MTCH2: variants seen among roughly 807,000 people sequenced by gnomAD.
MTCH2 encodes the protein mitochondrial carrier 2.
In MTCH2, 25 loss-of-function variants were observed where a neutral mutation model predicts 50.6. That is an observed-to-expected ratio of 0.49 (90% CI 0.36 to 0.69). MTCH2 has a LOEUF of 0.69. Among genes scored for constraint, MTCH2 ranks in the 30% least tolerant of loss-of-function variants. The probability of loss-of-function intolerance (pLI) is 0.00; values close to 1 mark genes in which losing one functional copy is unlikely to be tolerated. For missense variants in MTCH2, 273 were observed against 384.4 expected, an observed-to-expected ratio of 0.71 and a Z score of 2.42; for synonymous variants, 106 against 132.0, an observed-to-expected ratio of 0.80 and a Z score of 1.35.
chr11:47,616,138 T>G (rs890197021), downstream of MTCH2, among the ~76,000 whole-genome samples: 1 of 151,980 alleles, frequency 6.6e-6, no homozygotes, highest in African/African-American at 2.4e-5. Flanking sequence ...TTCCTCCCTT[T>G]ATTTCTTTAA....
At chr11:47,638,289 C>T (rs1430758319) in intron 3 of MTCH2, among the ~76,000 whole-genome samples, 2 of 147,860 alleles carry the variant, frequency 1.4e-5, no homozygotes, top group Admixed American at 6.9e-5. Context: ...CCGCCGGGCG[C>T]GGTGGCTCAT....
At chr11:47,608,909 G>A in the MTCH2 span, among the ~76,000 whole-genome samples, 8 of 141,132 alleles carry the variant, frequency 5.7e-5, 1 homozygote, top group South Asian at 2.2e-4. Flanking sequence ...AGTGAGCCGA[G>A]ATCGTGCCAC....
intron 7 of MTCH2, 112 bp from the exon 8 acceptor site, chr11:47,630,726 A>T: frequency 1.0e-6 from 1 of 976,186 alleles, no homozygotes; most frequent in Non-Finnish European, 1.6e-6. Flanking sequence ...TCCTTCCCTC[A>T]CACTTTTCTA....
rs1297731818 is a variant in MTCH2 at position 47,635,651 on chromosome 11, CAG to C, written c.280-82_280-81del. 4.4e-6 allele frequency: 6 copies of C among 1,361,916 alleles called. No homozygotes were observed. In the African/African-American group the frequency reaches 7.4e-5, roughly 17 times the overall value. 84.4% of individuals were successfully genotyped at this position (1,361,916 alleles called of 1,614,324 possible). On this transcript the variant is annotated intron_variant, in intron 3 of 12. Coordinates refer to ENST00000302503, the MANE Select transcript of MTCH2 (RefSeq NM_014342.4). ...AGACATAAAATGAAAACTCTACTGACAGAAAGTAAATTAGCTGAAGTTTTTTT... is the reference window on the plus strand; with the variant it reads ...AGACATAAAATGAAAACTCTACTGACAAAGTAAATTAGCTGAAGTTTTTTT...
intron 5 of MTCH2, among the ~76,000 whole-genome samples, chr11:47,633,846 T>C (rs1483525154): frequency 1.3e-5 from 2 of 151,670 alleles, no homozygotes; most frequent in Middle Eastern, 3.2e-3. Flanking sequence ...CTTTGGAATA[T>C]GTATTTTGGA....
chr11:47,628,837 C>G, intron 9 of MTCH2, 116 bp downstream of exon 9: 1 of 869,218 alleles, frequency 1.2e-6, no homozygotes, highest in Non-Finnish European at 1.8e-6. Flanking sequence ...ATTGGCCTCC[C>G]AAAGTGCTGG....
At chr11:47,633,254 C>T (rs574280839) in intron 5 of MTCH2, among the ~76,000 whole-genome samples, 191 of 150,308 alleles carry the variant, frequency 1.3e-3, no homozygotes, top group African/African-American at 4.6e-3. Flanking sequence ...GGACTACAGG[C>T]GCCTGCCACC....
At chr11:47,629,786 T>C (rs2097301347) in intron 8 of MTCH2, among the ~76,000 whole-genome samples, 1 of 151,394 alleles carries the variant, frequency 6.6e-6, no homozygotes, top group Non-Finnish European at 1.5e-5. Context: ...ATTTCGGTAA[T>C]GATGCAAAAT....
intron 1 of MTCH2, among the ~76,000 whole-genome samples, chr11:47,641,194 G>C (rs544293360): frequency 1.3e-5 from 2 of 152,276 alleles, no homozygotes; most frequent in African/African-American, 4.8e-5. Flanking sequence ...CCGGCCCCAA[G>C]GGTTCTTACT....
At chr11:47,619,241 T>C (rs770451225) in intron 12 of MTCH2, among the ~76,000 whole-genome samples, 3 of 152,250 alleles carry the variant, frequency 2.0e-5, no homozygotes, top group Admixed American at 6.5e-5. Flanking sequence ...TTTATTTCTT[T>C]GTTTTTCTTT....
chr11:47,625,546 C>T (rs557175713), intron 11 of MTCH2, 128 bp downstream of exon 11: 118 of 705,590 alleles, frequency 1.7e-4, no homozygotes, highest in Non-Finnish European at 2.3e-4. Flanking sequence ...TTTCCTCCCC[C>T]CCTTTTTAAA....
the MTCH2 span, among the ~76,000 whole-genome samples, chr11:47,606,835 A>G: frequency 6.6e-6 from 1 of 152,198 alleles, no homozygotes; most frequent in Admixed American, 6.5e-5. Flanking sequence ...AGCTGAGAGG[A>G]AACTGTCATT....
At chr11:47,631,348 G>A (rs2097302850) in intron 6 of MTCH2, among the ~76,000 whole-genome samples, 1 of 152,268 alleles carries the variant, frequency 6.6e-6, no homozygotes. Context: ...GGCTGAGGTT[G>A]CAGTGAGCCA....
intron 11 of MTCH2, among the ~76,000 whole-genome samples, chr11:47,624,841 G>A (rs1037100675): frequency 2.6e-5 from 4 of 152,122 alleles, no homozygotes; most frequent in Non-Finnish European, 4.4e-5. Context: ...TAATTCCAGC[G>A]CTTTGGAAGT....
intron 7 of MTCH2, among the ~76,000 whole-genome samples, 169 bp from the exon 8 acceptor site, chr11:47,630,783 A>C (rs2097302314): frequency 6.6e-6 from 1 of 152,192 alleles, no homozygotes; most frequent in Non-Finnish European, 1.5e-5. Context: ...GATAGAAGTG[A>C]AAATATTAAC....
the MTCH2 span, among the ~76,000 whole-genome samples, chr11:47,608,814 C>T: frequency 4.0e-5 from 6 of 151,742 alleles, no homozygotes; most frequent in South Asian, 2.1e-4. Flanking sequence ...AAAAATTAGC[C>T]GGGCGTGGTG....
At chr11:47,630,746 C>T (rs1344329184) in intron 7 of MTCH2, 132 bp from the exon 8 acceptor site, 1 of 837,906 alleles carries the variant, frequency 1.2e-6, no homozygotes, top group African/African-American at 1.7e-5. Context: ...AGCACTCTCT[C>T]ACTCTGCAAA....
At chr11:47,612,540 G>T (rs1352907530), downstream of MTCH2, among the ~76,000 whole-genome samples, 5 of 151,970 alleles carry the variant, frequency 3.3e-5, no homozygotes, top group Admixed American at 1.3e-4. Context: ...CTCCAGCCTG[G>T]GCAACAGGGC....
chr11:47,636,646 T>C (rs1436261036), intron 3 of MTCH2, among the ~76,000 whole-genome samples: 2 of 151,748 alleles, frequency 1.3e-5, no homozygotes, highest in Non-Finnish European at 2.9e-5. Flanking sequence ...GCAGGAGAAT[T>C]GCTTGAACCC....
Sources: gnomAD v4.1 joint callset for allele counts (sites outside exome capture counted in the v4.1 genomes callset) on GRCh38, gnomAD v4.1.1 for gene constraint, MANE v1.5 for transcripts, NCBI Gene and HGNC (gene_info 2026-07-23, HGNC 2026-07-21) for gene names.